The following TMEM132B variants were observed in gnomAD, a reference collection of about 807,000 sequenced individuals.
TMEM132B encodes transmembrane protein 132B.
In TMEM132B, 18 loss-of-function variants were observed where a neutral mutation model predicts 90.8. The ratio of observed to expected loss-of-function variants is 0.20; its 90% CI spans 0.14 to 0.29. The LOEUF is 0.29. Ranked by LOEUF, TMEM132B falls within the 10% of genes least tolerant of loss-of-function variation. The pLI, the probability that TMEM132B is intolerant of heterozygous loss-of-function variation, is 1.00. For missense variants in TMEM132B, 1,096 were observed against 1,326.8 expected (o/e 0.83, Z 2.70); for synonymous variants, 504 against 523.3 (o/e 0.96, Z 0.50).
chr12:125,460,506 T>C lies in TMEM132B; in HGVS notation c.1106+44829T>C, dbSNP rs1200687848. ...GACTCCATCTCAAAAAAATAAAAAG[T>C]AAAAAATAAAAAAAAATCTACCAAG... On this transcript the variant is annotated intron_variant, in intron 3 of 8. Transcript: ENST00000682704. The surrounding 1 kb of genome is among the most constrained non-coding windows in gnomAD (Gnocchi z 4.4). Among the ~76,000 whole-genome samples, 2 of 151,794 alleles carry C rather than the reference T, an allele frequency of 1.3e-5. No homozygotes were observed. Among genetic ancestry groups the C allele is most frequent in the African/African-American group, 2.4e-5 (1 of 41,334 alleles).
At chr12:125,435,047 C>T (rs941043961) in intron 3 of TMEM132B, among the ~76,000 whole-genome samples, 4 of 152,208 alleles carry the variant, frequency 2.6e-5, no homozygotes, top group Non-Finnish European at 5.9e-5. Context: ...TCATCCTCCG[C>T]ACCTCTGCTT....
In TMEM132B at chr12:125,657,271, G is replaced by A. The variant is rs1487617880; in HGVS notation, c.*2561G>A. The A allele has an allele frequency of 6.6e-6, 1 of 152,054 alleles. No individual in the cohort carries two copies. Among genetic ancestry groups the A allele is most frequent in the African/African-American group, 2.4e-5 (1 of 41,396 alleles). 9.4% of individuals were successfully genotyped at this position (152,054 alleles called of 1,614,324 possible). ...AACAATCAAATGGAAGGCCATGGGG[G>A]AAGGGTTCCTTCCACCATATAACCC... On this transcript the variant is annotated 3_prime_UTR_variant, in exon 9 of 9. Coordinates refer to ENST00000682704, the MANE Select transcript of TMEM132B (RefSeq NM_001366854.1).
chr12:125,483,889 T>A (rs1233125064), intron 3 of TMEM132B, among the ~76,000 whole-genome samples: 1 of 152,162 alleles, frequency 6.6e-6, no homozygotes, highest in Non-Finnish European at 1.5e-5. Context: ...TGGCTTCCTA[T>A]GGGTCAGAGG....
Position 125,492,970 on chromosome 12 carries a change from T to C in TMEM132B, c.1107-26469T>C, listed in dbSNP as rs1009729560. On this transcript the variant is annotated intron_variant, in intron 3 of 8. Coordinates refer to ENST00000682704, the MANE Select transcript of TMEM132B (RefSeq NM_001366854.1). The surrounding 1 kb of genome is among the most constrained non-coding windows in gnomAD (Gnocchi z 5.8). ...CTTGTGAATGAGAAATACCAGGCAC[T>C]CTGAGAAAGGGAGGTGGCACTCCAT... 1.5e-4 allele frequency among the ~76,000 whole-genome samples: 23 copies of C among 152,160 alleles called. No individual in the cohort carries two copies. Among genetic ancestry groups the C allele is most frequent in the African/African-American group, 5.6e-4 (23 of 41,396 alleles).
chr12:125,223,491 C>A (rs1262335303), intron 1 of TMEM132B, among the ~76,000 whole-genome samples: 2 of 152,178 alleles, frequency 1.3e-5, no homozygotes, highest in African/African-American at 4.8e-5. Flanking sequence ...CATGCCTTAA[C>A]TTTTTTGTGG....
At chr12:125,440,447 A>G (rs1880837046) in intron 3 of TMEM132B, among the ~76,000 whole-genome samples, 1 of 152,210 alleles carries the variant, frequency 6.6e-6, no homozygotes, top group Non-Finnish European at 1.5e-5. Context: ...AAGGGAAAGA[A>G]AGTGATGTTT....
intron 2 of TMEM132B, among the ~76,000 whole-genome samples, chr12:125,414,255 C>A (rs753930964): frequency 6.6e-6 from 1 of 152,284 alleles, no homozygotes; most frequent in East Asian, 1.9e-4. Context: ...ATCAGATAGA[C>A]AATTTGCATA....
At chr12:125,413,151 A>G (rs935453311) in intron 2 of TMEM132B, among the ~76,000 whole-genome samples, 2 of 152,010 alleles carry the variant, frequency 1.3e-5, no homozygotes, top group African/African-American at 4.8e-5. Flanking sequence ...GTGGGTGGTA[A>G]AGTTGGGGCT....
intron 4 of TMEM132B, among the ~76,000 whole-genome samples, chr12:125,523,059 A>G (rs1020372528): frequency 6.6e-6 from 1 of 152,206 alleles, no homozygotes; most frequent in African/African-American, 2.4e-5. Context: ...CCGAATATAT[A>G]GTATTTGCTC....
rs1483031728 is a variant in TMEM132B at position 125,328,115 on chromosome 12, CAG to C, written c.68-21334_68-21333del. On this transcript the variant is annotated intron_variant, in intron 1 of 8. Coordinates refer to ENST00000682704, the MANE Select transcript of TMEM132B (RefSeq NM_001366854.1). ...GCTTTTAGTCCATTCTCCGTAATAG[CAG>C]AGTGATGTCTTAACCGTGTTATATC... 2.0e-5 allele frequency among the ~76,000 whole-genome samples: 3 copies of C among 152,342 alleles called. No individual in the cohort carries two copies. In the East Asian group the frequency reaches 5.8e-4, roughly 29 times the overall value.
intron 5 of TMEM132B, among the ~76,000 whole-genome samples, chr12:125,612,008 A>C (rs1885840743): frequency 6.6e-6 from 1 of 151,278 alleles, no homozygotes; most frequent in African/African-American, 2.4e-5. Flanking sequence ...GGAATTTAAG[A>C]CTCCCACTAG....
At chr12:125,312,586 AAGT>A (rs1876148832) in intron 1 of TMEM132B, among the ~76,000 whole-genome samples, 1 of 152,178 alleles carries the variant, frequency 6.6e-6, no homozygotes, top group Non-Finnish European at 1.5e-5. Context: ...ATCTCTGAGG[AAGT>A]TGGCCTCTGC....
At chr12:125,191,571 G>T (rs1177518454) in intron 1 of TMEM132B, among the ~76,000 whole-genome samples, 1 of 152,228 alleles carries the variant, frequency 6.6e-6, no homozygotes, top group Non-Finnish European at 1.5e-5. Context: ...GTGGTGGGTA[G>T]TCGTTAAGCT....
At chr12:125,562,884 T>C (rs1470093621) in intron 4 of TMEM132B, among the ~76,000 whole-genome samples, 1 of 152,066 alleles carries the variant, frequency 6.6e-6, no homozygotes, top group African/African-American at 2.4e-5. Context: ...AATTACCCAG[T>C]CTTGGGTATG....
At chr12:125,293,855 T>C (rs1453326899) in intron 1 of TMEM132B, among the ~76,000 whole-genome samples, 1 of 152,176 alleles carries the variant, frequency 6.6e-6, no homozygotes, top group East Asian at 1.9e-4. Flanking sequence ...TTGTAACCGC[T>C]CTGAACTATG....
At chr12:125,390,640 T>C (rs545312377) in intron 2 of TMEM132B, among the ~76,000 whole-genome samples, 11 of 152,326 alleles carry the variant, frequency 7.2e-5, no homozygotes, top group Admixed American at 4.6e-4. Context: ...TCTCGGATCA[T>C]TTTTTCTGGA....
At chr12:125,264,696 A>G (rs1359265831) in intron 1 of TMEM132B, among the ~76,000 whole-genome samples, 1 of 152,234 alleles carries the variant, frequency 6.6e-6, no homozygotes, top group Non-Finnish European at 1.5e-5. Context: ...CCCTGCAATA[A>G]AATGACACAC....
intron 6 of TMEM132B, among the ~76,000 whole-genome samples, chr12:125,646,374 C>G (rs566922661): frequency 3.3e-5 from 5 of 152,208 alleles, no homozygotes; most frequent in Admixed American, 6.5e-5. Context: ...TATTTCCAGA[C>G]AGCAAATGAT....
intron 6 of TMEM132B, 42 bp downstream of exon 6, chr12:125,644,323 A>G (rs763836226): frequency 6.2e-7 from 1 of 1,601,464 alleles, no homozygotes; most frequent in Non-Finnish European, 8.5e-7. Flanking sequence ...ATTGTCCTGG[A>G]GTCCAGATCT....
Sources: allele counts gnomAD v4.1 joint callset (sites outside exome capture counted in the v4.1 genomes callset), GRCh38; gene constraint gnomAD v4.1.1; non-coding constraint Gnocchi (gnomAD v3.1); transcripts MANE v1.5; gene names NCBI Gene and HGNC (gene_info 2026-07-23, HGNC 2026-07-21).